ANKS1B: variants seen among roughly 807,000 people sequenced by gnomAD.
The protein encoded by ANKS1B is ankyrin repeat and sterile alpha motif domain containing 1B.
A neutral mutation model predicts 148.3 loss-of-function variants in ANKS1B; 36 were observed. The observed-to-expected ratio is 0.24, with a 90% confidence interval of 0.19 to 0.32. The LOEUF (loss-of-function observed/expected upper bound fraction) is 0.32. Ranked by LOEUF, ANKS1B falls within the 10% of genes least tolerant of loss-of-function variation. The pLI is 1.00. For missense variants in ANKS1B, 1,157 were observed against 1,542.6 expected, an observed-to-expected ratio of 0.75 and a Z score of 4.19; for synonymous variants, 542 against 560.8, an observed-to-expected ratio of 0.97 and a Z score of 0.47.
At chr12:99,653,748 T>C (rs758793067) in intron 9 of ANKS1B, among the ~76,000 whole-genome samples, 23 of 149,284 alleles carry the variant, frequency 1.5e-4, no homozygotes, top group Admixed American at 5.4e-4. Flanking sequence ...AGTGGTATGA[T>C]CACAGCTCAA....
intron 14 of ANKS1B, among the ~76,000 whole-genome samples, chr12:99,162,861 C>A (rs1296580337): frequency 2.0e-5 from 3 of 152,020 alleles, no homozygotes; most frequent in Non-Finnish European, 4.4e-5. Flanking sequence ...AGTTTGAGAC[C>A]AGCCTGGCCA....
At chr12:99,930,799 T>C (rs1342395665) in intron 1 of ANKS1B, among the ~76,000 whole-genome samples, 1 of 152,070 alleles carries the variant, frequency 6.6e-6, no homozygotes, top group Non-Finnish European at 1.5e-5. Flanking sequence ...TCCTCAGGGA[T>C]CTAGAACTAG....
At position 99,522,820 on chromosome 12, in the gene ANKS1B, C is replaced by T. The variant is rs145637364; in HGVS notation, c.1273-18179G>A. ...AGTGACAGGCCTCCACTCTTCAGTG[C>T]TAATTAGTATTGGGAATGATCTGGC... On this transcript the variant is annotated intron_variant, in intron 9 of 26. Transcript: ENST00000683438. Among the ~76,000 whole-genome samples the T allele has an allele frequency of 8.5e-5, 13 of 152,228 alleles. No individual in the cohort carries two copies. The East Asian group carries it at 2.3e-3, about 27-fold the overall frequency.
chr12:99,978,479 A>G (rs1372952886), intron 1 of ANKS1B, among the ~76,000 whole-genome samples: 1 of 152,218 alleles, frequency 6.6e-6, no homozygotes, highest in Non-Finnish European at 1.5e-5. Context: ...TGGTGCAATC[A>G]CCACTTCAAA....
At chr12:99,818,571 T>C in intron 2 of ANKS1B, among the ~76,000 whole-genome samples, 1 of 151,850 alleles carries the variant, frequency 6.6e-6, no homozygotes, top group African/African-American at 2.4e-5. Context: ...CATTTTCTGA[T>C]ATCCAGCATT....
chr12:98,855,978 C>T (rs984735899), intron 17 of ANKS1B, among the ~76,000 whole-genome samples: 2 of 152,244 alleles, frequency 1.3e-5, no homozygotes, highest in African/African-American at 4.8e-5. Context: ...AAAGCCCAGG[C>T]TAGGGTCATG....
intron 12 of ANKS1B, among the ~76,000 whole-genome samples, chr12:99,280,997 C>T (rs982044026): frequency 1.3e-5 from 2 of 151,960 alleles, no homozygotes; most frequent in African/African-American, 4.8e-5. Flanking sequence ...CCTTGACTAA[C>T]ACATGAGCCT....
chr12:98,948,007 A>C (rs2099848017), intron 17 of ANKS1B, among the ~76,000 whole-genome samples: 1 of 152,086 alleles, frequency 6.6e-6, no homozygotes, highest in South Asian at 2.1e-4. Context: ...GAAATGATAT[A>C]TGCTGAGGAT....
intron 8 of ANKS1B, among the ~76,000 whole-genome samples, chr12:99,713,120 C>A (rs2153539196): frequency 6.6e-6 from 1 of 152,304 alleles, no homozygotes; most frequent in Admixed American, 6.5e-5. Context: ...AAACAAGAGG[C>A]TCTTCCACAA....
chr12:99,301,587 G>A (rs145055086), intron 12 of ANKS1B, among the ~76,000 whole-genome samples: 141 of 152,200 alleles, frequency 9.3e-4, no homozygotes, highest in Middle Eastern at 3.4e-3. Context: ...TGTATTAAAT[G>A]TACATAATAG....
intron 8 of ANKS1B, among the ~76,000 whole-genome samples, chr12:99,655,917 AG>A (rs1369965421): frequency 1.3e-5 from 2 of 152,140 alleles, no homozygotes; most frequent in Admixed American, 1.3e-4. Context: ...CTGAAAGCAA[AG>A]AACCTTCATG....
intron 12 of ANKS1B, among the ~76,000 whole-genome samples, chr12:99,386,994 G>A (rs1374552353): frequency 6.6e-6 from 1 of 152,188 alleles, no homozygotes; most frequent in East Asian, 1.9e-4. Context: ...CCTATTATAA[G>A]GTCAGTCATC....
At chr12:99,264,650 G>A (rs1340000887) in intron 12 of ANKS1B, among the ~76,000 whole-genome samples, 2 of 152,008 alleles carry the variant, frequency 1.3e-5, no homozygotes, top group Non-Finnish European at 2.9e-5. Context: ...TCCTCAAAAC[G>A]AGCCTTCTCT....
At chr12:99,865,029 A>C (rs2090544623) in intron 1 of ANKS1B, among the ~76,000 whole-genome samples, 1 of 152,254 alleles carries the variant, frequency 6.6e-6, no homozygotes, top group Non-Finnish European at 1.5e-5. Flanking sequence ...TCCAGGCAAT[A>C]AGCATCAATG....
At chr12:99,916,406 C>A (rs1043509054) in intron 1 of ANKS1B, among the ~76,000 whole-genome samples, 3 of 152,172 alleles carry the variant, frequency 2.0e-5, no homozygotes, top group Non-Finnish European at 4.4e-5. Flanking sequence ...AGAGTAAGAG[C>A]ATTTGGAAGC....
At chr12:99,308,860 T>C (rs943802141) in intron 12 of ANKS1B, among the ~76,000 whole-genome samples, 2 of 150,220 alleles carry the variant, frequency 1.3e-5, no homozygotes, top group African/African-American at 4.9e-5. Context: ...TATAGATTTA[T>C]TGTTATTATG....
chr12:99,770,664 T>C (rs192546344), intron 8 of ANKS1B, among the ~76,000 whole-genome samples: 1 of 152,014 alleles, frequency 6.6e-6, no homozygotes, highest in African/African-American at 2.4e-5. Context: ...ATCCTTTAGA[T>C]TTTTCTCATT....
At chr12:98,982,581 G>T (rs1370390469) in intron 17 of ANKS1B, among the ~76,000 whole-genome samples, 2 of 151,850 alleles carry the variant, frequency 1.3e-5, no homozygotes, top group Admixed American at 6.6e-5. Flanking sequence ...TAACACATTT[G>T]CTTGTCACTT....
At chr12:98,818,783 C>T (rs533538976) in intron 19 of ANKS1B, among the ~76,000 whole-genome samples, 20 of 152,286 alleles carry the variant, frequency 1.3e-4, no homozygotes, top group Admixed American at 1.2e-3. Flanking sequence ...ATTTCCTTTA[C>T]TTAAATTCAT....
Sources: allele counts gnomAD v4.1 joint callset (sites outside exome capture counted in the v4.1 genomes callset), GRCh38; gene constraint gnomAD v4.1.1; transcripts MANE v1.5; gene names NCBI Gene and HGNC (gene_info 2026-07-23, HGNC 2026-07-21).